SF1: variants seen among roughly 807,000 people sequenced by gnomAD.
SF1 encodes splicing factor 1.
Under a neutral mutation model 62.5 loss-of-function variants are expected in SF1, and 7 were observed. That is an observed-to-expected ratio of 0.11 (90% CI 0.06 to 0.21). The LOEUF is 0.21. Ranked by LOEUF, SF1 falls within the 10% of genes least tolerant of loss-of-function variation. SF1 has a pLI of 1.00. For missense variants in SF1, 578 were observed against 884.0 expected, an observed-to-expected ratio of 0.65 and a Z score of 4.39; for synonymous variants, 394 against 323.6, an observed-to-expected ratio of 1.22 and a Z score of -2.33.
At chr11:64,774,990 C>G (rs923339909) in intron 2 of SF1, among the ~76,000 whole-genome samples, 2 of 151,318 alleles carry the variant, frequency 1.3e-5, no homozygotes, top group Admixed American at 1.3e-4. Context: ...ATATTGAGGG[C>G]ATCCTGGACA....
chr11:64,767,883 CCT>C (rs1242352538), intron 9 of SF1, 39 bp from the exon 10 acceptor site: 1 of 1,598,732 alleles, frequency 6.3e-7, no homozygotes, highest in Non-Finnish European at 8.5e-7. Flanking sequence ...CCTGCCTGCG[CCT>C]CCTAGTGGCA....
chr11:64,769,126 G>A lies in SF1; in HGVS notation c.783C>T (p.Ile261=). 2 of 1,613,958 alleles carry A rather than the reference G, an allele frequency of 1.2e-6. No homozygotes were observed. The highest frequency in any genetic ancestry group is 1.7e-6 in the Non-Finnish European group (2 of 1,179,828). The change falls in exon 8 of 13, where the codon ATC becomes ATT. Residue 261 remains isoleucine, a synonymous_variant. Coordinates refer to ENST00000377390, the MANE Select transcript of SF1 (RefSeq NM_004630.4). The part of the protein sequence containing the change: ...NGTLREDDNR[I]LRPWQSSETR... Reference sequence around the variant, plus strand: ...TCTCTGAGCTCTGCCAGGGTCTTAAGATCCTATTAAAGGAAAAAGAGGTCA... The same window carrying A: ...TCTCTGAGCTCTGCCAGGGTCTTAAAATCCTATTAAAGGAAAAAGAGGTCA...
chr11:64,775,252 T>C (rs949934707), intron 2 of SF1, among the ~76,000 whole-genome samples: 1 of 152,178 alleles, frequency 6.6e-6, no homozygotes, highest in South Asian at 2.1e-4. Flanking sequence ...TGATTATAGC[T>C]ATAAATAGTC....
chr11:64,771,168 T>C (rs1300122472), intron 3 of SF1, among the ~76,000 whole-genome samples: 1 of 152,236 alleles, frequency 6.6e-6, no homozygotes, highest in African/African-American at 2.4e-5. Flanking sequence ...AACCTATGAT[T>C]CTCCACCAGA....
chr11:64,772,107 T>C, intron 3 of SF1: 1 of 985,392 alleles, frequency 1.0e-6, no homozygotes, highest in Non-Finnish European at 1.2e-6. Flanking sequence ...AGGCAAAAGC[T>C]AGTATTCTAG....
rs140568887 is a variant in SF1 at position 64,769,138 on chromosome 11, G to A, written c.780-9C>T. 4.3e-5 allele frequency: 69 copies of A among 1,613,160 alleles called. No individual in the cohort carries two copies. Among genetic ancestry groups the A allele is most frequent in the East Asian group, 3.1e-4 (14 of 44,888 alleles). On this transcript the variant is annotated splice_polypyrimidine_tract_variant and intron_variant, in intron 7 of 12. Coordinates refer to ENST00000377390, the MANE Select transcript of SF1 (RefSeq NM_004630.4). ...GCCAGGGTCTTAAGATCCTATTAAA[G>A]GAAAAAGAGGTCAATGCAAGGGAAC... is the stretch of plus-strand genomic sequence containing the variant.
At position 64,767,711 on chromosome 11, in the gene SF1, A is replaced by G. The variant is rs777067623; in HGVS notation, c.1202T>C (p.Leu401Ser). The change falls in exon 10 of 13, where the codon TTA becomes TCA. Residue 401 changes from leucine (L) to serine (S), a missense_variant. Around this residue, in one of 7 missense-constraint regions of SF1, gnomAD observed 410 missense variants for 452.4 expected, o/e 0.91. Transcript: ENST00000377390. Reference protein sequence around the residue: ...GGGPHSFPHPLPSLTGGHGGH... With the variant: ...GGGPHSFPHPSPSLTGGHGGH... ...ACCATGCCCACCTGTCAGGCTGGGTAATGGGTGTGGGAAGCTGTGGGGGCC... is the reference window on the plus strand; with the variant it reads ...ACCATGCCCACCTGTCAGGCTGGGTGATGGGTGTGGGAAGCTGTGGGGGCC... 6.2e-7 allele frequency: 1 copy of G among 1,612,548 alleles called. No individual in the cohort carries two copies. The highest frequency in any genetic ancestry group is 8.5e-7 in the Non-Finnish European group (1 of 1,179,290).
intron 5 of SF1, 77 bp downstream of exon 5, chr11:64,769,887 C>T (rs1021502522): frequency 8.9e-7 from 1 of 1,117,608 alleles, no homozygotes; most frequent in Non-Finnish European, 1.3e-6. Flanking sequence ...AGCCAACAGT[C>T]CCCAATTAGG....
At chr11:64,776,713 C>T in intron 1 of SF1, 87 bp from the exon 2 acceptor site, 1 of 1,279,488 alleles carries the variant, frequency 7.8e-7, no homozygotes, top group Non-Finnish European at 1.1e-6. Context: ...TACACAGAAA[C>T]TCAGCAGACT....
At chr11:64,771,114 G>T (rs150742602) in intron 3 of SF1, among the ~76,000 whole-genome samples, 1 of 152,318 alleles carries the variant, frequency 6.6e-6, no homozygotes, top group East Asian at 1.9e-4. Context: ...ATGCAGATTT[G>T]GTCATACTTG....
At chr11:64,772,488 G>A (rs1938485726) in intron 3 of SF1, 1 of 984,876 alleles carries the variant, frequency 1.0e-6, no homozygotes, top group South Asian at 4.7e-5. Flanking sequence ...AAAGATGCAT[G>A]AGTGAGTGAC....
At chr11:64,777,385 T>A (rs1437545582) in intron 1 of SF1, 1 of 511,254 alleles carries the variant, frequency 2.0e-6, no homozygotes, top group Non-Finnish European at 2.5e-6. Context: ...GGGCAGCCGA[T>A]CAGACTGAGA....
rs190189587 is a variant in SF1 at position 64,769,750 on chromosome 11, A to G, written c.480-141T>C. On this transcript the variant is annotated intron_variant, in intron 5 of 12. Coordinates refer to ENST00000377390, the MANE Select transcript of SF1 (RefSeq NM_004630.4). ...CCACCAAGAGCTCCATGAACTCTAT[A>G]TTATGGTCAGCCACAGTAAACCTGA... The G allele has an allele frequency of 1.4e-3, 1,144 of 830,622 alleles. 4 individuals carry two copies. The highest frequency in any genetic ancestry group is 1.8e-3 in the Admixed American group (69 of 37,856). 51.5% of individuals were successfully genotyped at this position (830,622 alleles called of 1,614,324 possible). A position where few individuals can be genotyped will look rare whatever the true frequency, so the allele number is the denominator to read the frequency against.
chr11:64,770,292 G>A lies in SF1; in HGVS notation c.353C>T (p.Ala118Val), dbSNP rs1433004851. Residue 118 changes from alanine to valine, a missense_variant, in exon 4 of 13, where the codon GCA becomes GTA. Ala to Val is a moderately conservative substitution (Grantham distance 64, BLOSUM62 0). Around this residue, in one of 7 missense-constraint regions of SF1, gnomAD observed 68 missense variants for 170.7 expected, o/e 0.40. Transcript: ENST00000377390. ...AGGTGGCTTGAAATCCGGATTGAGT[G>A]CAACCATCTCTGTGATGAGGTTGTG... is the stretch of plus-strand genomic sequence containing the variant. The part of the protein sequence containing the change: ...ERHNLITEMV[A>V]LNPDFKPPAD... The A allele has an allele frequency of 6.2e-7, 1 of 1,613,794 alleles. No homozygotes were observed. The highest frequency in any genetic ancestry group is 8.5e-7 in the Non-Finnish European group (1 of 1,179,910).
chr11:64,770,324 C>G lies in SF1; in HGVS notation c.321G>C (p.Glu107Asp). 1 of 1,614,140 alleles carries G rather than the reference C, an allele frequency of 6.2e-7. No homozygotes were observed. Among genetic ancestry groups the G allele is most frequent in the Non-Finnish European group, 8.5e-7 (1 of 1,180,028 alleles). The change falls in exon 4 of 13, where the codon GAG (glutamate) becomes GAC (aspartate). Residue 107 changes from glutamate to aspartate, a missense_variant. By Grantham distance (45) the Glu-to-Asp change is conservative (BLOSUM62 2). This residue lies in a region of SF1 where 68 missense variants were observed against 170.7 expected (regional missense o/e 0.40). Coordinates refer to ENST00000377390, the MANE Select transcript of SF1 (RefSeq NM_004630.4). ...TCTCTGTGATGAGGTTGTGCCGCTC[C>G]TCTTCCAGCTTTTTGCGGGTGCGGA... The part of the protein sequence containing the change: ...REFRTRKKLE[E>D]ERHNLITEMV...
intron 2 of SF1, among the ~76,000 whole-genome samples, chr11:64,775,404 C>A (rs1417499865): frequency 2.0e-5 from 3 of 152,186 alleles, no homozygotes; most frequent in Non-Finnish European, 4.4e-5. Context: ...TGTAAAGACC[C>A]AGACTAGTCT....
At chr11:64,770,851 A>G (rs1431557202) in intron 3 of SF1, among the ~76,000 whole-genome samples, 1 of 152,196 alleles carries the variant, frequency 6.6e-6, no homozygotes, top group African/African-American at 2.4e-5. Flanking sequence ...CCTATGAGGA[A>G]AAGCTTCTGT....
intron 3 of SF1, chr11:64,771,363 G>C: frequency 1.4e-6 from 1 of 721,376 alleles, no homozygotes; most frequent in Non-Finnish European, 1.7e-6. Context: ...ACCATAGCTT[G>C]ATATTCTGAA....
chr11:64,767,257 T>G lies in SF1; in HGVS notation c.1343-6A>C. On this transcript the variant is annotated splice_polypyrimidine_tract_variant and splice_region_variant and intron_variant, in intron 10 of 12. Coordinates refer to ENST00000377390, the MANE Select transcript of SF1 (RefSeq NM_004630.4). ...CGTACTTCCCAGGTACTGATCTTGA[T>G]GGAAGGAAAGAGCAGGGACTTAGCA... is the stretch of plus-strand genomic sequence containing the variant. The G allele has an allele frequency of 6.2e-7, 1 of 1,613,868 alleles. No individual in the cohort carries two copies. Among genetic ancestry groups the G allele is most frequent in the East Asian group, 2.2e-5 (1 of 44,886 alleles).
Sources: allele counts gnomAD v4.1 joint callset (sites outside exome capture counted in the v4.1 genomes callset), GRCh38; gene constraint gnomAD v4.1.1; regional missense constraint gnomAD v4.1.1; transcripts MANE v1.5; gene names NCBI Gene and HGNC (gene_info 2026-07-23, HGNC 2026-07-21).